SLC9A9: variants seen among roughly 807,000 people sequenced by gnomAD.
The protein encoded by SLC9A9 is solute carrier family 9 member A9.
Under a neutral mutation model 77.8 loss-of-function variants are expected in SLC9A9, and 62 were observed. That is an observed-to-expected ratio of 0.80 (90% CI 0.65 to 0.98). The LOEUF (loss-of-function observed/expected upper bound fraction) is 0.98, where lower values mean the gene tolerates loss of function less well. Among genes scored for constraint, SLC9A9 ranks in the 50% least tolerant of loss-of-function variants. SLC9A9 has a pLI of 0.00. For missense variants in SLC9A9, 775 were observed against 774.9 expected (o/e 1.00, Z 0.00); for synonymous variants, 320 against 283.5 (o/e 1.13, Z -1.29).
intron 5 of SLC9A9, among the ~76,000 whole-genome samples, chr3:143,662,846 T>C (rs1250734421): frequency 1.3e-5 from 2 of 152,152 alleles, no homozygotes; most frequent in South Asian, 2.1e-4. Flanking sequence ...GAGGCCTGCA[T>C]GCCTCTGTAG....
At chr3:143,334,683 A>G (rs1399432153) in intron 14 of SLC9A9, among the ~76,000 whole-genome samples, 1 of 152,198 alleles carries the variant, frequency 6.6e-6, no homozygotes, top group Non-Finnish European at 1.5e-5. Context: ...TAATATTCTG[A>G]TTATAAAGTG....
chr3:143,342,881 C>G (rs2032149935), intron 14 of SLC9A9, among the ~76,000 whole-genome samples: 1 of 152,190 alleles, frequency 6.6e-6, no homozygotes, highest in African/African-American at 2.4e-5. Context: ...ATGCATCTCT[C>G]TTTGAAAAGA....
At position 143,764,089 on chromosome 3, in the gene SLC9A9, T is replaced by C. The variant is rs185325442; in HGVS notation, c.533+30912A>G. Among the ~76,000 whole-genome samples, 382 of 152,230 alleles carry C rather than the reference T, an allele frequency of 2.5e-3. 2 individuals are homozygous for C. Among genetic ancestry groups the C allele is most frequent in the Middle Eastern group, 0.01 (3 of 294 alleles). On this transcript the variant is annotated intron_variant, in intron 4 of 15. Transcript: ENST00000316549. ...ATATTATAGAATTTCACTTCTTTTTTAAAAAATCCACTCTGACAGGGTAAG... is the reference window on the plus strand; with the variant it reads ...ATATTATAGAATTTCACTTCTTTTTCAAAAAATCCACTCTGACAGGGTAAG...
chr3:143,420,308 T>C (rs560168903), intron 12 of SLC9A9, among the ~76,000 whole-genome samples: 3 of 152,330 alleles, frequency 2.0e-5, no homozygotes, highest in African/African-American at 7.2e-5. Context: ...TGTAAAGTTC[T>C]TAGTACAATA....
chr3:143,451,831 T>C (rs1018237164), intron 12 of SLC9A9, among the ~76,000 whole-genome samples: 2 of 152,100 alleles, frequency 1.3e-5, no homozygotes, highest in Admixed American at 6.5e-5. Context: ...AAGGCAAATT[T>C]GAGTATTTCC....
intron 6 of SLC9A9, among the ~76,000 whole-genome samples, chr3:143,646,787 C>T (rs1006607591): frequency 1.3e-5 from 2 of 152,170 alleles, no homozygotes; most frequent in African/African-American, 4.8e-5. Flanking sequence ...TTATCACTTT[C>T]CTTTTTCACC....
At chr3:143,770,512 G>A (rs1027931470) in intron 4 of SLC9A9, among the ~76,000 whole-genome samples, 1 of 152,140 alleles carries the variant, frequency 6.6e-6, no homozygotes, top group Non-Finnish European at 1.5e-5. Context: ...GGAGGAGTCT[G>A]GGGGAGGGTA....
intron 5 of SLC9A9, among the ~76,000 whole-genome samples, chr3:143,663,740 C>G (rs367886556): frequency 6.6e-6 from 1 of 151,968 alleles, no homozygotes; most frequent in Non-Finnish European, 1.5e-5. Flanking sequence ...AAATTAATGA[C>G]ATGAAGTGAG....
chr3:143,550,507 A>G (rs561217681), intron 9 of SLC9A9, among the ~76,000 whole-genome samples: 1 of 152,328 alleles, frequency 6.6e-6, no homozygotes, highest in African/African-American at 2.4e-5. Context: ...GAGATATGAT[A>G]CAAGCACAGT....
At chr3:143,415,081 G>T (rs2034168021) in intron 12 of SLC9A9, among the ~76,000 whole-genome samples, 1 of 152,226 alleles carries the variant, frequency 6.6e-6, no homozygotes, top group African/African-American at 2.4e-5. Context: ...AACCCAGAGG[G>T]GGGCCCTAAC....
intron 2 of SLC9A9, among the ~76,000 whole-genome samples, chr3:143,808,568 T>C (rs981460169): frequency 1.9e-4 from 29 of 152,206 alleles, no homozygotes; most frequent in African/African-American, 7.0e-4. Flanking sequence ...TGGCTTTTAA[T>C]ATATGAAAAC....
intron 4 of SLC9A9, among the ~76,000 whole-genome samples, chr3:143,777,461 A>C (rs1387080823): frequency 6.6e-6 from 1 of 152,224 alleles, no homozygotes; most frequent in Non-Finnish European, 1.5e-5. Flanking sequence ...GCATAGAATT[A>C]AGATTTGTTC....
chr3:143,453,906 G>T (rs1413741124), intron 12 of SLC9A9, among the ~76,000 whole-genome samples: 1 of 152,078 alleles, frequency 6.6e-6, no homozygotes, highest in Non-Finnish European at 1.5e-5. Context: ...GAATGACATT[G>T]GGTGCCCATA....
At chr3:143,755,363 T>G (rs1413369111) in intron 4 of SLC9A9, among the ~76,000 whole-genome samples, 3 of 152,168 alleles carry the variant, frequency 2.0e-5, no homozygotes, top group Non-Finnish European at 4.4e-5. Context: ...TATGTGACCA[T>G]AGGTATTTTC....
chr3:143,522,225 G>A (rs745587660), intron 9 of SLC9A9, among the ~76,000 whole-genome samples: 6 of 152,240 alleles, frequency 3.9e-5, no homozygotes, highest in South Asian at 2.1e-4. Context: ...CTGAGATATC[G>A]TAGATACAGT....
chr3:143,771,265 G>C (rs746375896), intron 4 of SLC9A9, among the ~76,000 whole-genome samples: 30 of 152,182 alleles, frequency 2.0e-4, no homozygotes, highest in Non-Finnish European at 3.7e-4. Flanking sequence ...ACAGGGAGGA[G>C]AGTGTTCTCT....
At chr3:143,602,764 T>C (rs1276455374) in intron 6 of SLC9A9, among the ~76,000 whole-genome samples, 1 of 152,222 alleles carries the variant, frequency 6.6e-6, no homozygotes, top group East Asian at 1.9e-4. Flanking sequence ...TGATAGCACT[T>C]GACTTCCCCA....
intron 4 of SLC9A9, among the ~76,000 whole-genome samples, chr3:143,753,222 G>A (rs2006806259): frequency 6.6e-6 from 1 of 151,984 alleles, no homozygotes; most frequent in South Asian, 2.1e-4. Flanking sequence ...TATGACCTTT[G>A]GACAGCTTTT....
At chr3:143,807,105 G>T (rs776781843) in intron 2 of SLC9A9, among the ~76,000 whole-genome samples, 27 of 152,184 alleles carry the variant, frequency 1.8e-4, no homozygotes, top group Non-Finnish European at 3.1e-4. Flanking sequence ...GAGGAAACAG[G>T]ATCCCAGCCA....
Sources: allele counts gnomAD v4.1 joint callset (sites outside exome capture counted in the v4.1 genomes callset), GRCh38; gene constraint gnomAD v4.1.1; transcripts MANE v1.5; gene names NCBI Gene and HGNC (gene_info 2026-07-23, HGNC 2026-07-21).